FAM241A: variants seen among roughly 807,000 people sequenced by gnomAD.
FAM241A encodes the protein family with sequence similarity 241 member A.
FAM241A carries 7 observed loss-of-function variants against 12.2 expected under a neutral mutation model. The ratio of observed to expected loss-of-function variants is 0.58; its 90% CI spans 0.33 to 1.08. FAM241A has a LOEUF of 1.08. Among genes scored for constraint, FAM241A ranks in the 50% least tolerant of loss-of-function variants. The pLI is 0.04. For missense variants in FAM241A, 161 were observed against 169.7 expected, an observed-to-expected ratio of 0.95 and a Z score of 0.29; for synonymous variants, 74 against 68.2, an observed-to-expected ratio of 1.08 and a Z score of -0.42.
At position 112,193,522 on chromosome 4, in the gene FAM241A, G is replaced by A. The variant is rs1404338574; in HGVS notation, c.*6584G>A. On this transcript the variant is annotated 3_prime_UTR_variant, in exon 2 of 2. Transcript: ENST00000309733. Reference sequence around the variant, plus strand: ...TTTAATCCATCTTGAAATAATTTTTGTATAAGGTGTAAGGAAGGGATCCAG... The same window carrying A: ...TTTAATCCATCTTGAAATAATTTTTATATAAGGTGTAAGGAAGGGATCCAG... 1.3e-5 allele frequency: 2 copies of A among 152,182 alleles called. No individual in the cohort carries two copies. Among genetic ancestry groups the A allele is most frequent in the Admixed American group, 1.3e-4 (2 of 15,272 alleles). 9.4% of individuals were successfully genotyped at this position (152,182 alleles called of 1,614,324 possible). A position where few individuals can be genotyped will look rare whatever the true frequency, so the allele number is the denominator to read the frequency against.
chr4:112,176,903 G>A (rs925249859), intron 1 of FAM241A, among the ~76,000 whole-genome samples: 2 of 152,074 alleles, frequency 1.3e-5, no homozygotes, highest in Non-Finnish European at 2.9e-5. Context: ...AGTGATTAAC[G>A]ATAGAACAGG....
chr4:112,151,559 G>T (rs551128027), intron 1 of FAM241A, among the ~76,000 whole-genome samples: 2 of 152,136 alleles, frequency 1.3e-5, no homozygotes, highest in Admixed American at 1.3e-4. Flanking sequence ...CTGAGATTTT[G>T]CATCTCTACA....
intron 1 of FAM241A, chr4:112,171,183 C>G: frequency 3.4e-6 from 2 of 585,540 alleles, no homozygotes; most frequent in Non-Finnish European, 6.3e-6. Flanking sequence ...ATTATTTTTA[C>G]TTTCTTTCTG....
intron 1 of FAM241A, among the ~76,000 whole-genome samples, chr4:112,168,238 TCA>T (rs1352599749): frequency 2.6e-5 from 4 of 152,252 alleles, no homozygotes; most frequent in Non-Finnish European, 4.4e-5. Context: ...TGTCACAGAT[TCA>T]CACACTTTTC....
At chr4:112,148,708 A>G (rs1723187624) in intron 1 of FAM241A, among the ~76,000 whole-genome samples, 1 of 152,182 alleles carries the variant, frequency 6.6e-6, no homozygotes, top group Non-Finnish European at 1.5e-5. Flanking sequence ...TATTCCATAT[A>G]TGTGTTGGTA....
At position 112,193,442 on chromosome 4, in the gene FAM241A, T is replaced by A. The variant is rs1402452002; in HGVS notation, c.*6504T>A. The A allele has an allele frequency of 6.6e-6, 1 of 152,252 alleles. No individual in the cohort carries two copies. The highest frequency in any genetic ancestry group is 1.5e-5 in the Non-Finnish European group (1 of 68,054). 9.4% of individuals were successfully genotyped at this position (152,252 alleles called of 1,614,324 possible). Reference sequence around the variant, plus strand: ...TTGCCCATGCCTATGTCCTGAATGGTAATGCCTAGGTTTTCTTCTAGGGTT... The same window carrying A: ...TTGCCCATGCCTATGTCCTGAATGGAAATGCCTAGGTTTTCTTCTAGGGTT... On this transcript the variant is annotated 3_prime_UTR_variant, in exon 2 of 2. Transcript: ENST00000309733.
At chr4:112,156,709 G>C (rs546121331) in intron 1 of FAM241A, among the ~76,000 whole-genome samples, 1 of 152,328 alleles carries the variant, frequency 6.6e-6, no homozygotes, top group East Asian at 1.9e-4. Flanking sequence ...CTTGGACTTT[G>C]TGTATAACAG....
chr4:112,180,533 C>G (rs1560585626), intron 1 of FAM241A, among the ~76,000 whole-genome samples: 1 of 151,986 alleles, frequency 6.6e-6, no homozygotes, highest in Non-Finnish European at 1.5e-5. Context: ...ACCAGTGTTT[C>G]TCAAAAGGTG....
chr4:112,165,285 A>T (rs1435211667), intron 1 of FAM241A, among the ~76,000 whole-genome samples: 4 of 152,212 alleles, frequency 2.6e-5, no homozygotes, highest in African/African-American at 9.7e-5. Context: ...AGAAAAGGGA[A>T]GCCTCATACT....
At position 112,191,670 on chromosome 4, in the gene FAM241A, C is replaced by A. The variant is rs964308036; in HGVS notation, c.*4732C>A. 2.6e-5 allele frequency: 4 copies of A among 151,922 alleles called. No individual in the cohort carries two copies. Among genetic ancestry groups the A allele is most frequent in the South Asian group, 2.1e-4 (1 of 4,830 alleles). 9.4% of individuals were successfully genotyped at this position (151,922 alleles called of 1,614,324 possible). A position where few individuals can be genotyped will look rare whatever the true frequency, so the allele number is the denominator to read the frequency against. On this transcript the variant is annotated 3_prime_UTR_variant, in exon 2 of 2. Transcript: ENST00000309733. Reference sequence around the variant, plus strand: ...ACCAATATCTACACAGCCTTAAGACCTCAAGTGAGACATCATGTCCTCCAG... The same window carrying A: ...ACCAATATCTACACAGCCTTAAGACATCAAGTGAGACATCATGTCCTCCAG...
chr4:112,151,062 C>G (rs565622426), intron 1 of FAM241A, among the ~76,000 whole-genome samples: 7 of 152,268 alleles, frequency 4.6e-5, no homozygotes, highest in Admixed American at 2.6e-4. Flanking sequence ...TTTGTTGCCT[C>G]CAAATCTCAT....
intron 1 of FAM241A, among the ~76,000 whole-genome samples, chr4:112,177,838 G>T (rs908773532): frequency 6.6e-6 from 1 of 152,042 alleles, no homozygotes. Flanking sequence ...ATTTAGTCTA[G>T]AATTTATAAA....
rs547924320 is a variant in FAM241A, at chr4:112,162,499, A to G, written c.153+16766A>G. On this transcript the variant is annotated intron_variant, in intron 1 of 1. Transcript: ENST00000309733. ...AAATCAATGTGCAAAAATCACAAGCATTCCTCCACACCAATAACAGACAAA... is the reference window on the plus strand; with the variant it reads ...AAATCAATGTGCAAAAATCACAAGCGTTCCTCCACACCAATAACAGACAAA... Among the ~76,000 whole-genome samples the G allele has an allele frequency of 2.6e-5, 4 of 152,364 alleles. 1 individual carries two copies. The highest frequency in any genetic ancestry group is 4.1e-4 in the South Asian group (2 of 4,826).
At chr4:112,145,821 G>A (rs1723124663) in intron 1 of FAM241A, 88 bp downstream of exon 1, 1 of 840,208 alleles carries the variant, frequency 1.2e-6, no homozygotes, top group African/African-American at 1.8e-5. Context: ...CCGGCCCGCG[G>A]GCCGCGCCGC....
At position 112,193,722 on chromosome 4, in the gene FAM241A, C is replaced by A. The variant is rs988492997; in HGVS notation, c.*6784C>A. 2.0e-5 allele frequency: 3 copies of A among 152,114 alleles called. No homozygotes were observed. The highest frequency in any genetic ancestry group is 7.2e-5 in the African/African-American group (3 of 41,380). 9.4% of individuals were successfully genotyped at this position (152,114 alleles called of 1,614,324 possible). A position where few individuals can be genotyped will look rare whatever the true frequency, so the allele number is the denominator to read the frequency against. On this transcript the variant is annotated 3_prime_UTR_variant, in exon 2 of 2. Coordinates refer to ENST00000309733, the MANE Select transcript of FAM241A (RefSeq NM_152400.3). ...ATTGATCTATATCTCTGTTTTGGTA[C>A]CAGTACCATGCTGTTTTGGTTATTG... is the stretch of plus-strand genomic sequence containing the variant.
chr4:112,173,847 G>A lies in FAM241A; in HGVS notation c.154-12846G>A, dbSNP rs569981257. 8.5e-5 allele frequency among the ~76,000 whole-genome samples: 13 copies of A among 152,138 alleles called. No homozygotes were observed. The East Asian group carries it at 1.2e-3, about 14-fold the overall frequency. On this transcript the variant is annotated intron_variant, in intron 1 of 1. Coordinates refer to ENST00000309733, the MANE Select transcript of FAM241A (RefSeq NM_152400.3). ...TAATGTCCAGAAATAACCAAGGTAG[G>A]GCTTCCAGAACAATGAGGTAAGGAA...
chr4:112,171,418 C>G, intron 1 of FAM241A: 1 of 770,734 alleles, frequency 1.3e-6, no homozygotes, highest in Non-Finnish European at 2.4e-6. Context: ...TGTGCTAAGG[C>G]TTGAGTGTGT....
chr4:112,189,119 C>T lies in FAM241A; in HGVS notation c.*2181C>T, dbSNP rs1484989151. 2.6e-5 allele frequency: 4 copies of T among 152,114 alleles called. No individual in the cohort carries two copies. Among genetic ancestry groups the T allele is most frequent in the African/African-American group, 9.7e-5 (4 of 41,426 alleles). The allele number at this position is 152,114 out of a possible 1,614,324, so 9.4% of individuals were successfully genotyped here. Reference sequence around the variant, plus strand: ...AATTAGATTGGGCCGGGCGCGGTGGCTCACGCCTGTAATCCTAGCACTTTG... The same window carrying T: ...AATTAGATTGGGCCGGGCGCGGTGGTTCACGCCTGTAATCCTAGCACTTTG... On this transcript the variant is annotated 3_prime_UTR_variant, in exon 2 of 2. Transcript: ENST00000309733.
At chr4:112,178,129 T>C (rs1425562559) in intron 1 of FAM241A, among the ~76,000 whole-genome samples, 1 of 152,092 alleles carries the variant, frequency 6.6e-6, no homozygotes, top group East Asian at 1.9e-4. Context: ...AATAGATATA[T>C]AAAGAAATAA....
Sources: gnomAD v4.1 joint callset for allele counts (sites outside exome capture counted in the v4.1 genomes callset) on GRCh38, gnomAD v4.1.1 for gene constraint, MANE v1.5 for transcripts, NCBI Gene and HGNC (gene_info 2026-07-23, HGNC 2026-07-21) for gene names.